ZBTB5: variants seen among roughly 807,000 people sequenced by gnomAD.
The protein encoded by ZBTB5 is zinc finger and BTB domain-containing protein 5.
ZBTB5 carries 15 observed loss-of-function variants against 37.9 expected under a neutral mutation model. That is an observed-to-expected ratio of 0.40 (90% CI 0.26 to 0.61). ZBTB5 has a LOEUF of 0.61. Among genes scored for constraint, ZBTB5 ranks in the 20% least tolerant of loss-of-function variants. ZBTB5 has a pLI of 0.47. For synonymous variants in ZBTB5, 315 were observed against 312.4 expected (o/e 1.01, Z -0.09); for missense variants, 708 against 856.8 (o/e 0.83, Z 2.17).
chr9:37,439,962 T>G lies in ZBTB5; in HGVS notation c.*556A>C, dbSNP rs1425283137. The G allele has an allele frequency of 1.3e-5, 2 of 157,064 alleles. No homozygotes were observed. The highest frequency in any genetic ancestry group is 4.8e-5 in the African/African-American group (2 of 41,474). 9.7% of individuals were successfully genotyped at this position (157,064 alleles called of 1,614,324 possible). On this transcript the variant is annotated 3_prime_UTR_variant, in exon 2 of 2. Coordinates refer to ENST00000307750, the MANE Select transcript of ZBTB5 (RefSeq NM_014872.3). Reference sequence around the variant, plus strand: ...AGTGTCAGCACCAAAGTGCAGTGTTTATGACTGCAAATCAGGTAAAAATAA... The same window carrying G: ...AGTGTCAGCACCAAAGTGCAGTGTTGATGACTGCAAATCAGGTAAAAATAA...
Position 37,440,321 on chromosome 9 carries a change from A to G in ZBTB5, c.*197T>C, listed in dbSNP as rs1362431105. The G allele has an allele frequency of 1.7e-6, 1 of 574,324 alleles. No individual in the cohort carries two copies. The highest frequency in any genetic ancestry group is 2.8e-5 in the East Asian group (1 of 35,130). The allele number at this position is 574,324 out of a possible 1,614,324, so 35.6% of individuals were successfully genotyped here. On this transcript the variant is annotated 3_prime_UTR_variant, in exon 2 of 2. Coordinates refer to ENST00000307750, the MANE Select transcript of ZBTB5 (RefSeq NM_014872.3). ...GGAAGCACCTGGTTTCAGGGATTGC[A>G]TCCCTTTCCCAAGACGTGCACTTCA...
rs967366577 is a variant in ZBTB5, at chr9:37,439,793, A to AAACG, written c.*724_*725insCGTT. 5.9e-5 allele frequency: 9 copies of AAACG among 152,194 alleles called. No individual in the cohort carries two copies. Among genetic ancestry groups the AAACG allele is most frequent in the Non-Finnish European group, 1.3e-4 (9 of 68,014 alleles). 9.4% of individuals were successfully genotyped at this position (152,194 alleles called of 1,614,324 possible). A position where few individuals can be genotyped will look rare whatever the true frequency, so the allele number is the denominator to read the frequency against. ...CTGCTCAAACAGCACATAGGGAAAC[A>AAACG]ATACCTTGTCACTCTCTACAAGTAC... On this transcript the variant is annotated 3_prime_UTR_variant, in exon 2 of 2. Coordinates refer to ENST00000307750, the MANE Select transcript of ZBTB5 (RefSeq NM_014872.3).
intron 1 of ZBTB5, among the ~76,000 whole-genome samples, chr9:37,453,350 CTT>C (rs35497538): frequency 0.023 from 3,327 of 145,984 alleles, 120 homozygotes; most frequent in African/African-American, 0.076. Context: ...CCACACGCAG[CTT>C]TTTTTTTTTG....
chr9:37,442,675 ATC>A, intron 1 of ZBTB5, 120 bp from the exon 2 acceptor site: 1 of 733,456 alleles, frequency 1.4e-6, no homozygotes, highest in East Asian at 2.7e-5. Context: ...AGCCCGTGAT[ATC>A]TCTGATAATG....
Position 37,439,804 on chromosome 9 carries a change from ACT to A in ZBTB5, c.*712_*713del, listed in dbSNP as rs1165784152. On this transcript the variant is annotated 3_prime_UTR_variant, in exon 2 of 2. Transcript: ENST00000307750. ...GCACATAGGGAAACAATACCTTGTC[ACT>A]CTCTACAAGTACACACTCCATTTAC... The A allele has an allele frequency of 6.6e-6, 1 of 152,302 alleles. No homozygotes were observed. The allele number at this position is 152,302 out of a possible 1,614,324, so 9.4% of individuals were successfully genotyped here.
At chr9:37,448,764 C>T (rs1460382221) in intron 1 of ZBTB5, among the ~76,000 whole-genome samples, 1 of 152,212 alleles carries the variant, frequency 6.6e-6, no homozygotes, top group Non-Finnish European at 1.5e-5. Flanking sequence ...TAAACGATTA[C>T]AGCCGGGCAC....
At chr9:37,448,951 G>A (rs1824046170) in intron 1 of ZBTB5, among the ~76,000 whole-genome samples, 1 of 151,532 alleles carries the variant, frequency 6.6e-6, no homozygotes. Context: ...GGCTGAGGCA[G>A]GAGAATCGCT....
chr9:37,447,716 AG>A lies in ZBTB5; in HGVS notation c.-4-5162del, dbSNP rs1041628088. 3.9e-5 allele frequency among the ~76,000 whole-genome samples: 6 copies of A among 152,054 alleles called. No homozygotes were observed. In the South Asian group the frequency reaches 6.2e-4, roughly 16 times the overall value. On this transcript the variant is annotated intron_variant, in intron 1 of 1. Coordinates refer to ENST00000307750, the MANE Select transcript of ZBTB5 (RefSeq NM_014872.3). ...AATTATTTTCCTGAGTTAATAGGTG[AG>A]GGGGGCCATAAAAGACTGACTTCAC...
At chr9:37,459,401 A>T (rs1449302396) in intron 1 of ZBTB5, among the ~76,000 whole-genome samples, 1 of 151,834 alleles carries the variant, frequency 6.6e-6, no homozygotes, top group African/African-American at 2.4e-5. Flanking sequence ...CAGAGGTTGC[A>T]GTGAGCCAAG....
At chr9:37,442,686 T>C (rs1823908144) in intron 1 of ZBTB5, 131 bp from the exon 2 acceptor site, 8 of 695,192 alleles carry the variant, frequency 1.2e-5, no homozygotes, top group Non-Finnish European at 1.9e-5. Flanking sequence ...TCTCTGATAA[T>C]GGGCACATAC....
intron 1 of ZBTB5, among the ~76,000 whole-genome samples, chr9:37,443,821 G>A (rs1823928137): frequency 6.6e-6 from 1 of 152,196 alleles, no homozygotes. Context: ...AGCTACTCAG[G>A]AGGCTGAAGG....
In ZBTB5 at chr9:37,440,123, A is replaced by G. The variant is rs1397626619; in HGVS notation, c.*395T>C. On this transcript the variant is annotated 3_prime_UTR_variant, in exon 2 of 2. Coordinates refer to ENST00000307750, the MANE Select transcript of ZBTB5 (RefSeq NM_014872.3). ...CTGGTTACACATAAGTGCATTTTGC[A>G]TCACTATACAGGGATATAATACTCC... 1 of 191,794 alleles carries G rather than the reference A, an allele frequency of 5.2e-6. No homozygotes were observed. Among genetic ancestry groups the G allele is most frequent in the African/African-American group, 2.4e-5 (1 of 42,316 alleles). 11.9% of individuals were successfully genotyped at this position (191,794 alleles called of 1,614,324 possible).
intron 1 of ZBTB5, among the ~76,000 whole-genome samples, chr9:37,457,820 G>A (rs1298935135): frequency 6.6e-6 from 1 of 152,210 alleles, no homozygotes; most frequent in Non-Finnish European, 1.5e-5. Flanking sequence ...AGGGGTTGAG[G>A]TGGGTAAAGC....
Position 37,440,806 on chromosome 9 carries a change from T to C in ZBTB5, c.1746A>G (p.Pro582=). 3.1e-6 allele frequency: 5 copies of C among 1,614,208 alleles called. No individual in the cohort carries two copies. Among genetic ancestry groups the C allele is most frequent in the Non-Finnish European group, 4.2e-6 (5 of 1,180,026 alleles). The part of the protein sequence containing the change: ...ENGHPSQPGP[P]QLTRASADVL... ...CATCTGCAGATGCCCTGGTCAACTG[T>C]GGAGGGCCAGGCTGGGAAGGATGGC... Residue 582 remains proline (P), a synonymous_variant, in exon 2 of 2, where the codon CCA becomes CCG. Transcript: ENST00000307750.
At chr9:37,443,280 A>G (rs1823918713) in intron 1 of ZBTB5, among the ~76,000 whole-genome samples, 3 of 151,664 alleles carry the variant, frequency 2.0e-5, no homozygotes, top group Non-Finnish European at 4.4e-5. Flanking sequence ...GTGAGCTGAG[A>G]TCACACCACT....
intron 1 of ZBTB5, among the ~76,000 whole-genome samples, chr9:37,448,215 C>G (rs936042003): frequency 6.6e-5 from 10 of 152,164 alleles, no homozygotes; most frequent in South Asian, 4.1e-4. Context: ...ACTAGATCCC[C>G]CATCACAGGC....
chr9:37,464,277 T>C (rs756051832), intron 1 of ZBTB5, among the ~76,000 whole-genome samples: 4 of 152,244 alleles, frequency 2.6e-5, no homozygotes, highest in Non-Finnish European at 5.9e-5. Flanking sequence ...CTCTACTTAA[T>C]ACAAGTGAAA....
rs1823893855 is a variant in ZBTB5, at chr9:37,442,076, T to C, written c.476A>G (p.Asn159Ser). The C allele has an allele frequency of 6.2e-7, 1 of 1,613,878 alleles. No individual in the cohort carries two copies. The highest frequency in any genetic ancestry group is 1.1e-5 in the South Asian group (1 of 91,090). Reference sequence around the variant, plus strand: ...CTGCTCCTCGCCATTCTGGCTGGAATTGAGGGCTGAGCTCACGATGCTTAG... The same window carrying C: ...CTGCTCCTCGCCATTCTGGCTGGAACTGAGGGCTGAGCTCACGATGCTTAG... ...LGLSIVSSAL[N>S]SSQNGEEQPA... Residue 159 changes from asparagine (N) to serine (S), a missense_variant, in exon 2 of 2, where the codon AAT (asparagine) becomes AGT (serine). By Grantham distance (46) the Asn-to-Ser change is conservative (BLOSUM62 1). Transcript: ENST00000307750.
Position 37,439,160 on chromosome 9 carries a change from T to C in ZBTB5, c.*1358A>G, listed in dbSNP as rs980027916. The C allele has an allele frequency of 6.6e-6, 1 of 152,196 alleles. No homozygotes were observed. Among genetic ancestry groups the C allele is most frequent in the Admixed American group, 6.5e-5 (1 of 15,280 alleles). The allele number at this position is 152,196 out of a possible 1,614,324, so 9.4% of individuals were successfully genotyped here. A position where few individuals can be genotyped will look rare whatever the true frequency, so the allele number is the denominator to read the frequency against. ...TAGGGAGACGCATTAACCTGTGCTG[T>C]TCCCCTGGACGCACACTTGGCCTCA... On this transcript the variant is annotated 3_prime_UTR_variant, in exon 2 of 2. Coordinates refer to ENST00000307750, the MANE Select transcript of ZBTB5 (RefSeq NM_014872.3).
Sources: allele counts gnomAD v4.1 joint callset (sites outside exome capture counted in the v4.1 genomes callset), GRCh38; gene constraint gnomAD v4.1.1; transcripts MANE v1.5; gene names NCBI Gene and HGNC (gene_info 2026-07-23, HGNC 2026-07-21).